Variants in EGLN3 observed in about 807,000 individuals in gnomAD.
EGLN3 encodes the protein prolyl hydroxylase EGLN3.
A neutral mutation model predicts 26.0 loss-of-function variants in EGLN3; 15 were observed. The observed-to-expected ratio is 0.58, with a 90% CI of 0.39 to 0.89. The LOEUF is 0.89. EGLN3 is among the 40% of genes least tolerant of loss of function. The pLI is 0.00. For synonymous variants in EGLN3, 147 were observed against 127.2 expected (o/e 1.16, Z -1.05); for missense variants, 238 against 311.6 (o/e 0.76, Z 1.78).
intron 1 of EGLN3, among the ~76,000 whole-genome samples, chr14:33,943,749 C>T (rs148664740): frequency 1.7e-3 from 253 of 152,302 alleles, no homozygotes; most frequent in Middle Eastern, 3.4e-3. Context: ...AGAACGCCAC[C>T]CTGACCTTTA....
chr14:33,936,236 TATAA>T (rs149218618), intron 1 of EGLN3, among the ~76,000 whole-genome samples: 2 of 150,018 alleles, frequency 1.3e-5, no homozygotes, highest in Non-Finnish European at 3.0e-5. Context: ...TCTCAAAAAA[TATAA>T]ATAAATAAAT....
rs34931469 is a variant in EGLN3, at chr14:33,935,586, T to TACACAC, written c.358-4377_358-4372dup. Among the ~76,000 whole-genome samples the TACACAC allele has an allele frequency of 8.3e-4, 122 of 146,902 alleles. 1 individual carries two copies. In the Middle Eastern group the frequency reaches 0.014, roughly 17 times the overall value. ...TTTTTTAATCAGGGCTATAAATAAA[T>TACACAC]ACACACACACACACACACACACACA... On this transcript the variant is annotated intron_variant, in intron 1 of 4. Coordinates refer to ENST00000250457, the MANE Select transcript of EGLN3 (RefSeq NM_022073.4).
At chr14:33,932,200 T>C (rs2064409735) in intron 1 of EGLN3, among the ~76,000 whole-genome samples, 1 of 152,210 alleles carries the variant, frequency 6.6e-6, no homozygotes, top group Non-Finnish European at 1.5e-5. Context: ...TACTCACTGA[T>C]GTATTCTTAG....
At chr14:33,944,314 G>T (rs752525465) in intron 1 of EGLN3, among the ~76,000 whole-genome samples, 6 of 152,024 alleles carry the variant, frequency 3.9e-5, no homozygotes, top group Non-Finnish European at 8.8e-5. Flanking sequence ...TAGAGATGGG[G>T]TTTCACCATG....
At chr14:33,926,323 A>G (rs2064362131) in intron 4 of EGLN3, among the ~76,000 whole-genome samples, 1 of 152,210 alleles carries the variant, frequency 6.6e-6, no homozygotes, top group Non-Finnish European at 1.5e-5. Flanking sequence ...AGGCAATATT[A>G]TATATGTTTC....
intron 1 of EGLN3, among the ~76,000 whole-genome samples, chr14:33,943,246 C>T (rs1379960835): frequency 6.6e-6 from 1 of 152,220 alleles, no homozygotes; most frequent in Non-Finnish European, 1.5e-5. Context: ...CGGCTCCTGG[C>T]AATCTGCCAA....
intron 1 of EGLN3, among the ~76,000 whole-genome samples, chr14:33,936,589 G>A (rs1253681206): frequency 6.6e-6 from 1 of 152,030 alleles, no homozygotes; most frequent in Admixed American, 6.6e-5. Flanking sequence ...CTGATGTAGG[G>A]GCCCCATTTG....
chr14:33,931,844 A>G (rs1465397625), intron 1 of EGLN3, among the ~76,000 whole-genome samples: 1 of 152,258 alleles, frequency 6.6e-6, no homozygotes, highest in African/African-American at 2.4e-5. Context: ...CCATGCATGT[A>G]TCTTAATATG....
chr14:33,941,559 C>CA (rs3216003), intron 1 of EGLN3, among the ~76,000 whole-genome samples: 1 of 150,282 alleles, frequency 6.7e-6, no homozygotes, highest in South Asian at 2.1e-4. Flanking sequence ...CTATCCCCCC[C>CA]AAAAAAAATT....
At chr14:33,948,853 G>A (rs2064536319) in intron 1 of EGLN3, 1 of 152,102 alleles carries the variant, frequency 6.6e-6, no homozygotes, top group Admixed American at 6.6e-5. Flanking sequence ...TGCTCTTCCA[G>A]GTAGAAACTA....
chr14:33,950,576 G>T lies in EGLN3; in HGVS notation c.177C>A (p.Gly59=). The change falls in exon 1 of 5, where the codon GGC becomes GGA. Residue 59 remains glycine, a synonymous_variant. Transcript: ENST00000250457. ...CGCCGGCGCGCGGCCCCGCCAGCTGGCCGTCCCGCAGGGCCCCGGTGCAGT... is the reference window on the plus strand; with the variant it reads ...CGCCGGCGCGCGGCCCCGCCAGCTGTCCGTCCCGCAGGGCCCCGGTGCAGT... ...QLHCTGALRD[G]QLAGPRAGVS... The T allele has an allele frequency of 6.2e-7, 1 of 1,612,052 alleles. No individual in the cohort carries two copies. The highest frequency in any genetic ancestry group is 8.5e-7 in the Non-Finnish European group (1 of 1,179,062).
intron 1 of EGLN3, among the ~76,000 whole-genome samples, chr14:33,938,206 G>C (rs184428313): frequency 3.2e-4 from 49 of 152,332 alleles, no homozygotes; most frequent in Non-Finnish European, 4.0e-4. Context: ...TCTATTCCAG[G>C]AGATCCCGCA....
chr14:33,929,080 T>C lies in EGLN3; in HGVS notation c.610A>G (p.Thr204Ala). ...NPHEVQPSYA[T>A]RYAMTVWYFD... ...AATCATGGCTCCGGCTATTACCTGG[T>C]TGCGTAAGAGGGCTGCACTTCGTGT... Residue 204 changes from threonine to alanine, a missense_variant, in exon 3 of 5, where the codon ACC becomes GCC. By Grantham distance (58) the Thr-to-Ala change is moderately conservative (BLOSUM62 0). Transcript: ENST00000250457. 1.2e-6 allele frequency: 2 copies of C among 1,613,558 alleles called. No homozygotes were observed. Among genetic ancestry groups the C allele is most frequent in the South Asian group, 2.2e-5 (2 of 90,978 alleles).
At chr14:33,939,377 A>AT (rs1168916153) in intron 1 of EGLN3, among the ~76,000 whole-genome samples, 1 of 151,942 alleles carries the variant, frequency 6.6e-6, no homozygotes, top group Non-Finnish European at 1.5e-5. Flanking sequence ...CGCCCGGCTA[A>AT]TTTTTTGTGT....
rs866236835 is a variant in EGLN3, at chr14:33,926,070, G to C, written c.689-148C>G. The C allele has an allele frequency of 9.2e-6, 7 of 764,170 alleles. No homozygotes were observed. In the Middle Eastern group the frequency reaches 1.7e-3, roughly 184 times the overall value. 47.3% of individuals were successfully genotyped at this position (764,170 alleles called of 1,614,324 possible). A position where few individuals can be genotyped will look rare whatever the true frequency, so the allele number is the denominator to read the frequency against. Reference sequence around the variant, plus strand: ...GAGCTCTGCCAAAGGATTCTCTCTTGACTTTGCAATGGGATCTTTCCCATA... The same window carrying C: ...GAGCTCTGCCAAAGGATTCTCTCTTCACTTTGCAATGGGATCTTTCCCATA... On this transcript the variant is annotated intron_variant, in intron 4 of 4. Coordinates refer to ENST00000250457, the MANE Select transcript of EGLN3 (RefSeq NM_022073.4).
At chr14:33,949,413 T>TGA (rs2064540302) in intron 1 of EGLN3, 2 of 152,256 alleles carry the variant, frequency 1.3e-5, no homozygotes, top group African/African-American at 4.8e-5. Flanking sequence ...CGGTATACTC[T>TGA]GCTTCGCTGT....
chr14:33,943,931 T>C (rs2138825782), intron 1 of EGLN3, among the ~76,000 whole-genome samples: 1 of 152,308 alleles, frequency 6.6e-6, no homozygotes, highest in Admixed American at 6.5e-5. Context: ...GGGAAATCAT[T>C]CATGATACTC....
Position 33,925,723 on chromosome 14 carries a change from C to G in EGLN3, c.*168G>C, listed in dbSNP as rs2064357392. The stretch of plus-strand genomic sequence containing the variant: ...GAGAGTATCTGAAGATCAACACAGT[C>G]TTGGCAAGAAAACATGAAGTACCAC... On this transcript the variant is annotated 3_prime_UTR_variant, in exon 5 of 5. Coordinates refer to ENST00000250457, the MANE Select transcript of EGLN3 (RefSeq NM_022073.4). 1 of 731,606 alleles carries G rather than the reference C, an allele frequency of 1.4e-6. No individual in the cohort carries two copies. The highest frequency in any genetic ancestry group is 2.3e-6 in the Non-Finnish European group (1 of 442,662). 45.3% of individuals were successfully genotyped at this position (731,606 alleles called of 1,614,324 possible).
intron 3 of EGLN3, 28 bp downstream of exon 3, chr14:33,929,048 G>T: frequency 6.2e-7 from 1 of 1,611,192 alleles, no homozygotes; most frequent in African/African-American, 1.3e-5. Context: ...CCAAGCTCCG[G>T]AAGAGGAATC....
Sources: gnomAD v4.1 joint callset for allele counts (sites outside exome capture counted in the v4.1 genomes callset) on GRCh38, gnomAD v4.1.1 for gene constraint, MANE v1.5 for transcripts, NCBI Gene and HGNC (gene_info 2026-07-23, HGNC 2026-07-21) for gene names.